The following SORCS3 variants were observed in gnomAD, a reference collection of about 807,000 sequenced individuals.
SORCS3 encodes VPS10 domain-containing receptor SorCS3.
SORCS3 carries 57 observed loss-of-function variants against 146.3 expected under a neutral mutation model. The ratio of observed to expected loss-of-function variants is 0.39; its 90% CI spans 0.31 to 0.49. The LOEUF is 0.49. SORCS3 is among the 20% of genes least tolerant of loss of function. SORCS3 has a pLI of 0.92. For missense variants in SORCS3, 1,341 were observed against 1,575.5 expected (o/e 0.85, Z 2.52); for synonymous variants, 653 against 618.5 (o/e 1.06, Z -0.83).
Position 104,915,749 on chromosome 10 carries a change from C to A in SORCS3, c.696-84C>A, listed in dbSNP as rs60053621. On this transcript the variant is annotated intron_variant, in intron 2 of 26. Transcript: ENST00000369701. ...TTCGGGAAGAAAGGTGCTGGTCGGT[C>A]GAGGGAGAACCTGGCTTCCCTTTAG... The A allele has an allele frequency of 0.017, 18,882 of 1,126,334 alleles. 1,666 individuals are homozygous for A. In the African/African-American group the frequency reaches 0.22, roughly 13 times the overall value. The allele number at this position is 1,126,334 out of a possible 1,614,324, so 69.8% of individuals were successfully genotyped here.
intron 4 of SORCS3, among the ~76,000 whole-genome samples, chr10:105,041,190 A>G (rs992476288): frequency 2.0e-5 from 3 of 148,630 alleles, no homozygotes; most frequent in Non-Finnish European, 3.0e-5. Flanking sequence ...AGGCCATCCA[A>G]CCTTTCTCTT....
chr10:105,060,472 CA>C (rs2055478335), intron 5 of SORCS3, among the ~76,000 whole-genome samples: 1 of 152,182 alleles, frequency 6.6e-6, no homozygotes, highest in Middle Eastern at 3.4e-3. Flanking sequence ...AGAGCATGCT[CA>C]GGACTGGTCT....
At position 105,031,269 on chromosome 10, in the gene SORCS3, C is replaced by A. The variant is rs77833144; in HGVS notation, c.955-11786C>A. On this transcript the variant is annotated intron_variant, in intron 4 of 26. Transcript: ENST00000369701. ...AGCCGAGATCACGCCACTGCCCTCC[C>A]GTCTGGGCAACAAGGGTGAGACTTA... Among the ~76,000 whole-genome samples the A allele has an allele frequency of 4.2e-3, 632 of 151,556 alleles. 7 individuals carry two copies. The highest frequency in any genetic ancestry group is 0.014 in the African/African-American group (587 of 41,304).
At chr10:105,111,258 C>A (rs562906215) in intron 7 of SORCS3, among the ~76,000 whole-genome samples, 1 of 152,272 alleles carries the variant, frequency 6.6e-6, no homozygotes, top group South Asian at 2.1e-4. Flanking sequence ...AGGAAGTCTT[C>A]CCTGACATCC....
intron 1 of SORCS3, among the ~76,000 whole-genome samples, chr10:104,685,296 G>A (rs1045647872): frequency 1.3e-5 from 2 of 152,156 alleles, no homozygotes; most frequent in Non-Finnish European, 2.9e-5. Flanking sequence ...CTGTGTCCAA[G>A]AATGAGCTCA....
Position 104,777,753 on chromosome 10 carries a change from G to A in SORCS3, c.628-65039G>A, listed in dbSNP as rs888130692. Reference sequence around the variant, plus strand: ...CTGATTTTGTGTGTGAGTGTGTGTCGGGGGTAGTGTATTTGAAAGAGATTA... The same window carrying A: ...CTGATTTTGTGTGTGAGTGTGTGTCAGGGGTAGTGTATTTGAAAGAGATTA... On this transcript the variant is annotated intron_variant, in intron 1 of 26. Transcript: ENST00000369701. Among the ~76,000 whole-genome samples, 5 of 152,150 alleles carry A rather than the reference G, an allele frequency of 3.3e-5. No homozygotes were observed. The South Asian group carries it at 8.3e-4, about 25-fold the overall frequency.
intron 3 of SORCS3, among the ~76,000 whole-genome samples, chr10:104,956,502 C>T (rs553486638): frequency 1.3e-5 from 2 of 152,358 alleles, no homozygotes; most frequent in African/African-American, 2.4e-5. Flanking sequence ...AAAGCCCCAA[C>T]ATTTGTTGAA....
chr10:105,079,498 C>A (rs534008992), intron 5 of SORCS3, among the ~76,000 whole-genome samples: 1 of 152,080 alleles, frequency 6.6e-6, no homozygotes, highest in Non-Finnish European at 1.5e-5. Context: ...TCTTGAGATA[C>A]GGCAGGGTGA....
At chr10:104,961,879 A>T (rs2054798100) in intron 3 of SORCS3, among the ~76,000 whole-genome samples, 1 of 152,174 alleles carries the variant, frequency 6.6e-6, no homozygotes, top group Admixed American at 6.6e-5. Flanking sequence ...TTATTGATTT[A>T]TTGAGCACGT....
At position 104,712,217 on chromosome 10, in the gene SORCS3, A is replaced by C. The variant is rs575626798; in HGVS notation, c.627+70263A>C. On this transcript the variant is annotated intron_variant, in intron 1 of 26. Transcript: ENST00000369701. ...AATATCATTATTTCAGACCTGTACC[A>C]GTATGAGGAAATGGGGGTTCAGAAA... 2.0e-5 allele frequency among the ~76,000 whole-genome samples: 3 copies of C among 152,276 alleles called. No individual in the cohort carries two copies. The East Asian group carries it at 5.8e-4, about 29-fold the overall frequency.
chr10:105,039,991 C>T (rs1259642278), intron 4 of SORCS3, among the ~76,000 whole-genome samples: 1 of 152,072 alleles, frequency 6.6e-6, no homozygotes, highest in Non-Finnish European at 1.5e-5. Flanking sequence ...GAATTTGGTA[C>T]TTTGCTATGT....
chr10:105,219,464 G>A (rs2056685957), intron 19 of SORCS3, among the ~76,000 whole-genome samples: 1 of 152,112 alleles, frequency 6.6e-6, no homozygotes, highest in Non-Finnish European at 1.5e-5. Flanking sequence ...GGAAAGCATT[G>A]GGAATAAACC....
intron 2 of SORCS3, among the ~76,000 whole-genome samples, chr10:104,913,441 C>T (rs1430883093): frequency 6.6e-6 from 1 of 152,152 alleles, no homozygotes; most frequent in East Asian, 1.9e-4. Flanking sequence ...TCTGTGCCTG[C>T]AGTAGACAAG....
chr10:104,693,467 A>C (rs1218004390), intron 1 of SORCS3, among the ~76,000 whole-genome samples: 1 of 152,214 alleles, frequency 6.6e-6, no homozygotes. Flanking sequence ...CAGAGAATTC[A>C]GAAAAACCCA....
chr10:104,726,804 T>C (rs2016640658), intron 1 of SORCS3, among the ~76,000 whole-genome samples: 1 of 152,136 alleles, frequency 6.6e-6, no homozygotes, highest in Admixed American at 6.5e-5. Context: ...TCCATTCCTC[T>C]GCCCTTTTTT....
chr10:104,940,238 A>ATATTTT (rs1435205868), intron 3 of SORCS3, among the ~76,000 whole-genome samples: 115 of 31,430 alleles, frequency 3.7e-3, no homozygotes, highest in Non-Finnish European at 4.9e-3. Context: ...ATATATATAT[A>ATATTTT]TTTTTTTTTT....
intron 2 of SORCS3, among the ~76,000 whole-genome samples, chr10:104,905,033 T>A (rs1251213327): frequency 6.6e-6 from 1 of 152,168 alleles, no homozygotes; most frequent in Non-Finnish European, 1.5e-5. Context: ...AGCTAATTGC[T>A]TTTTCCTGCT....
intron 2 of SORCS3, among the ~76,000 whole-genome samples, chr10:104,906,971 G>A (rs140635446): frequency 6.8e-4 from 103 of 152,200 alleles, no homozygotes; most frequent in African/African-American, 2.4e-3. Flanking sequence ...GATTTTATAT[G>A]TATTTGTTTA....
At chr10:105,200,224 C>A in intron 15 of SORCS3, 108 bp downstream of exon 15, 1 of 805,606 alleles carries the variant, frequency 1.2e-6, no homozygotes, top group South Asian at 1.7e-5. Flanking sequence ...GGTAGTGGGT[C>A]ATCTGAGGAT....
Sources: allele counts gnomAD v4.1 joint callset (sites outside exome capture counted in the v4.1 genomes callset), GRCh38; gene constraint gnomAD v4.1.1; transcripts MANE v1.5; gene names NCBI Gene and HGNC (gene_info 2026-07-23, HGNC 2026-07-21).